ABL1: variants seen among roughly 807,000 people sequenced by gnomAD.
ABL1 encodes tyrosine-protein kinase ABL1.
A neutral mutation model predicts 94.7 loss-of-function variants in ABL1; 11 were observed. The ratio of observed to expected loss-of-function variants is 0.12; its 90% CI spans 0.07 to 0.19. ABL1 has a LOEUF of 0.19. ABL1 is among the 10% of genes least tolerant of loss of function. The pLI, the probability that ABL1 is intolerant of heterozygous loss-of-function variation, is 1.00. For missense variants in ABL1, 1,082 were observed against 1,489.4 expected, an observed-to-expected ratio of 0.73 and a Z score of 4.50; for synonymous variants, 656 against 622.4, an observed-to-expected ratio of 1.05 and a Z score of -0.80.
At chr9:130,749,385 C>T (rs868041791) in intron 1 of ABL1, among the ~76,000 whole-genome samples, 71 of 152,260 alleles carry the variant, frequency 4.7e-4, no homozygotes, top group Middle Eastern at 3.4e-3. Context: ...TTGTAAAGCC[C>T]GTTATTTAAC....
intron 1 of ABL1, among the ~76,000 whole-genome samples, chr9:130,790,308 G>A (rs1311334029): frequency 2.0e-5 from 3 of 151,998 alleles, no homozygotes; most frequent in Middle Eastern, 3.4e-3. Context: ...CTTTCTTCCC[G>A]CAGCTTTATC....
intron 6 of ABL1, 110 bp from the exon 7 acceptor site, chr9:130,874,758 T>C (rs1831313038): frequency 6.7e-6 from 8 of 1,192,880 alleles, no homozygotes; most frequent in Non-Finnish European, 9.7e-6. Context: ...TTCCAGGGCA[T>C]TGGACTCAAT....
At chr9:130,776,412 A>G (rs970582066) in intron 1 of ABL1, among the ~76,000 whole-genome samples, 7 of 152,328 alleles carry the variant, frequency 4.6e-5, no homozygotes, top group African/African-American at 1.2e-4. Flanking sequence ...CCTGGCCAAC[A>G]TGGCGAAACC....
chr9:130,849,389 G>C (rs1270750676), intron 1 of ABL1, among the ~76,000 whole-genome samples: 1 of 152,142 alleles, frequency 6.6e-6, no homozygotes, highest in Non-Finnish European at 1.5e-5. Context: ...TTGTATGAGA[G>C]TGCCCGTTTC....
intron 1 of ABL1, among the ~76,000 whole-genome samples, chr9:130,724,032 G>C (rs1020568539): frequency 6.6e-6 from 1 of 152,024 alleles, no homozygotes; most frequent in East Asian, 1.9e-4. Context: ...GTATGGTCTC[G>C]ATCTCCTGAC....
At chr9:130,823,720 C>T (rs568111134) in intron 1 of ABL1, among the ~76,000 whole-genome samples, 1 of 152,314 alleles carries the variant, frequency 6.6e-6, no homozygotes, top group African/African-American at 2.4e-5. Context: ...CATACCATCA[C>T]TTAGTCATGT....
chr9:130,787,864 A>G (rs1352210297), intron 1 of ABL1, among the ~76,000 whole-genome samples: 1 of 152,104 alleles, frequency 6.6e-6, no homozygotes, highest in African/African-American at 2.4e-5. Context: ...TGCGTGTCCC[A>G]TTTCTCCTTG....
intron 1 of ABL1, among the ~76,000 whole-genome samples, chr9:130,846,258 A>G (rs1434326494): frequency 6.6e-6 from 1 of 152,212 alleles, no homozygotes; most frequent in Non-Finnish European, 1.5e-5. Flanking sequence ...CATATTTTGA[A>G]AAGTTGTTTG....
chr9:130,878,799 G>A (rs776589400), intron 8 of ABL1, among the ~76,000 whole-genome samples: 1 of 152,060 alleles, frequency 6.6e-6, no homozygotes, highest in South Asian at 2.1e-4. Context: ...ACCAAACCTG[G>A]GTGTATTCCT....
rs1831542419 is a variant in ABL1, at chr9:130,884,892, G to A, written c.2602G>A (p.Gly868Ser). ...GSGAPGGTSKGPAEESRVRRH... is the reference protein window; with the variant it reads ...GSGAPGGTSKSPAEESRVRRH... ...AGGTGCACCAGGGGGCACCAGCAAG[G>A]GCCCCGCCGAGGAGTCCAGAGTGAG... The change falls in exon 11 of 11, where the codon GGC becomes AGC. Residue 868 changes from glycine to serine, a missense_variant. Physicochemically the swap from Gly to Ser is moderately conservative, Grantham distance 56. Around this residue, in one of 7 missense-constraint regions of ABL1, gnomAD observed 780 missense variants for 835.8 expected, o/e 0.93. Coordinates refer to ENST00000318560, the MANE Select transcript of ABL1 (RefSeq NM_005157.6). The surrounding 1 kb of genome is among the most constrained non-coding windows in gnomAD (Gnocchi z 5.6). The A allele has an allele frequency of 1.9e-6, 3 of 1,609,070 alleles. No homozygotes were observed. The South Asian group carries it at 3.3e-5, about 18-fold the overall frequency.
At chr9:130,756,107 C>G (rs1832038482) in intron 1 of ABL1, among the ~76,000 whole-genome samples, 2 of 152,182 alleles carry the variant, frequency 1.3e-5, no homozygotes, top group Non-Finnish European at 2.9e-5. Context: ...AACCACTTTT[C>G]TCATAGAGAA....
intron 1 of ABL1, among the ~76,000 whole-genome samples, chr9:130,849,503 T>C (rs549647681): frequency 3.3e-5 from 5 of 151,768 alleles, no homozygotes; most frequent in African/African-American, 9.7e-5. Flanking sequence ...TCACACACTT[T>C]CCATGTTTAA....
intron 10 of ABL1, 63 bp from the exon 11 acceptor site, chr9:130,883,906 C>T (rs1831510884): frequency 6.5e-6 from 10 of 1,529,126 alleles, no homozygotes; most frequent in African/African-American, 4.2e-5. Context: ...CGGGTTCAAG[C>T]GATTCTCCTC....
intron 1 of ABL1, among the ~76,000 whole-genome samples, chr9:130,847,924 G>A (rs1390050417): frequency 6.6e-6 from 1 of 152,156 alleles, no homozygotes; most frequent in Non-Finnish European, 1.5e-5. Flanking sequence ...TCTGCATTCT[G>A]CTTATTCCAG....
intron 1 of ABL1, among the ~76,000 whole-genome samples, chr9:130,761,762 T>A (rs1490413438): frequency 6.6e-6 from 1 of 152,222 alleles, no homozygotes; most frequent in Non-Finnish European, 1.5e-5. Flanking sequence ...ACAGGAAAGT[T>A]ACAGGTTTTT....
At position 130,872,780 on chromosome 9, in the gene ABL1, A is replaced by G; in HGVS notation, c.908-80A>G. 1 of 1,447,374 alleles carries G rather than the reference A, an allele frequency of 6.9e-7. No homozygotes were observed. The allele number at this position is 1,447,374 out of a possible 1,614,324, so 89.7% of individuals were successfully genotyped here. A position where few individuals can be genotyped will look rare whatever the true frequency, so the allele number is the denominator to read the frequency against. ...CTGAGGAGCAGAGTCAGAATCCTTC[A>G]GAAGGCTTTTTCTTTAGACAGTTGT... On this transcript the variant is annotated intron_variant, in intron 5 of 10. Coordinates refer to ENST00000318560, the MANE Select transcript of ABL1 (RefSeq NM_005157.6). The surrounding 1 kb of genome is among the most constrained non-coding windows in gnomAD (Gnocchi z 5.0).
chr9:130,795,319 C>T (rs2132815740), intron 1 of ABL1, among the ~76,000 whole-genome samples: 1 of 152,318 alleles, frequency 6.6e-6, no homozygotes, highest in African/African-American at 2.4e-5. Flanking sequence ...TCACTTAATA[C>T]ATTTTGTTTA....
In ABL1 at chr9:130,878,109, G is replaced by A. The variant is rs901164926; in HGVS notation, c.1271-306G>A. ...ATTACAGGTGTGAGCCACCGTGCCC[G>A]GCCCCTAATTTTTGTATTTTTAGTA... On this transcript the variant is annotated intron_variant, in intron 7 of 10. Transcript: ENST00000318560. Among the ~76,000 whole-genome samples the A allele has an allele frequency of 1.4e-4, 21 of 151,824 alleles. No homozygotes were observed. In the South Asian group the frequency reaches 2.3e-3, roughly 17 times the overall value.
chr9:130,844,568 A>T (rs985556701), intron 1 of ABL1, among the ~76,000 whole-genome samples: 2 of 152,130 alleles, frequency 1.3e-5, no homozygotes, highest in Non-Finnish European at 2.9e-5. Context: ...TTTGAGGCCA[A>T]GGCAGGCAGA....
Sources: gnomAD v4.1 joint callset for allele counts (sites outside exome capture counted in the v4.1 genomes callset) on GRCh38, gnomAD v4.1.1 for gene constraint, gnomAD v4.1.1 regional missense constraint, Gnocchi (gnomAD v3.1) non-coding constraint, MANE v1.5 for transcripts, NCBI Gene and HGNC (gene_info 2026-07-23, HGNC 2026-07-21) for gene names.